FAM20A: variants seen among roughly 807,000 people sequenced by gnomAD.
FAM20A encodes the protein FAM20A golgi associated secretory pathway pseudokinase, also known as pseudokinase FAM20A.
FAM20A carries 42 observed loss-of-function variants against 52.0 expected under a neutral mutation model. The ratio of observed to expected loss-of-function variants is 0.81; its 90% CI spans 0.63 to 1.04. FAM20A has a LOEUF of 1.04. Among genes scored for constraint, FAM20A ranks in the 50% least tolerant of loss-of-function variants. FAM20A has a pLI of 0.00. For synonymous variants in FAM20A, 304 were observed against 298.9 expected (o/e 1.02, Z -0.18); for missense variants, 742 against 712.7 (o/e 1.04, Z -0.47).
chr17:68,573,017 G>A (rs917461147), intron 1 of FAM20A, among the ~76,000 whole-genome samples: 1 of 152,172 alleles, frequency 6.6e-6, no homozygotes, highest in African/African-American at 2.4e-5. Flanking sequence ...CCGCTTTGGA[G>A]GCTGTCCTTC....
chr17:68,574,875 T>G (rs2087682552), intron 1 of FAM20A, among the ~76,000 whole-genome samples: 2 of 151,982 alleles, frequency 1.3e-5, no homozygotes, highest in African/African-American at 4.8e-5. Flanking sequence ...GTAAGAATCT[T>G]GAGATGGAGA....
chr17:68,557,416 G>A (rs1455159452), intron 1 of FAM20A: 2 of 151,968 alleles, frequency 1.3e-5, no homozygotes, highest in East Asian at 1.9e-4. Flanking sequence ...TTATGAGGGG[G>A]TAGCCCTCAT....
At chr17:68,578,175 C>T (rs1159009861) in intron 1 of FAM20A, among the ~76,000 whole-genome samples, 1 of 152,162 alleles carries the variant, frequency 6.6e-6, no homozygotes, top group East Asian at 1.9e-4. Context: ...CCCCTGGGTC[C>T]TCTAATAATC....
In FAM20A at chr17:68,540,434, G is replaced by A. The variant is rs367758094; in HGVS notation, c.1219+415C>T. On this transcript the variant is annotated intron_variant, in intron 8 of 10. Transcript: ENST00000592554. ...TGACGGCCACCTTCATAAGTGTCTC[G>A]TCTCCCTAGAAGTCCCTGTGGGCCT... The A allele has an allele frequency of 2.4e-5, 11 of 464,188 alleles. No individual in the cohort carries two copies. The East Asian group carries it at 3.4e-4, about 14-fold the overall frequency. The allele number at this position is 464,188 out of a possible 1,614,324, so 28.8% of individuals were successfully genotyped here.
intron 4 of FAM20A, among the ~76,000 whole-genome samples, chr17:68,545,115 T>C (rs1290099408): frequency 6.6e-6 from 1 of 152,174 alleles, no homozygotes; most frequent in East Asian, 1.9e-4. Context: ...TACAGAAAAA[T>C]ACAAAGCGCA....
chr17:68,586,935 A>C (rs1195261517), intron 1 of FAM20A, among the ~76,000 whole-genome samples: 1 of 151,802 alleles, frequency 6.6e-6, no homozygotes, highest in African/African-American at 2.4e-5. Context: ...TCTGTCATCC[A>C]GGCTGGAATG....
In FAM20A at chr17:68,536,654, T is replaced by G. The variant is rs543574725; in HGVS notation, c.*823A>C. The G allele has an allele frequency of 1.8e-5, 8 of 452,878 alleles. No homozygotes were observed. The highest frequency in any genetic ancestry group is 3.5e-5 in the Non-Finnish European group (8 of 226,456). 28.1% of individuals were successfully genotyped at this position (452,878 alleles called of 1,614,324 possible). ...TGTGGTTGGTGGGCTGTAGTCAGCC[T>G]TGGCTCTTTTCCTGCCTTACTCCAG... On this transcript the variant is annotated 3_prime_UTR_variant, in exon 11 of 11. Coordinates refer to ENST00000592554, the MANE Select transcript of FAM20A (RefSeq NM_017565.4).
intron 3 of FAM20A, among the ~76,000 whole-genome samples, chr17:68,552,164 T>A (rs954285898): frequency 2.6e-5 from 4 of 152,000 alleles, no homozygotes; most frequent in African/African-American, 9.7e-5. Context: ...CTTTTTACTT[T>A]GGGAGGTGAA....
Position 68,537,390 on chromosome 17 carries a change from A to G in FAM20A, c.*87T>C. ...CTAGCTGACTTGACTCCCAGCAGTAACAGGTGGGAGTGAGGACGCAGGGTC... is the reference window on the plus strand; with the variant it reads ...CTAGCTGACTTGACTCCCAGCAGTAGCAGGTGGGAGTGAGGACGCAGGGTC... On this transcript the variant is annotated 3_prime_UTR_variant, in exon 11 of 11. Coordinates refer to ENST00000592554, the MANE Select transcript of FAM20A (RefSeq NM_017565.4). This position sits in a 1 kb window ranked among gnomAD's most constrained non-coding sequence, Gnocchi z 4.2. 10 of 1,557,674 alleles carry G rather than the reference A, an allele frequency of 6.4e-6. No individual in the cohort carries two copies. The highest frequency in any genetic ancestry group is 1.4e-5 in the African/African-American group (1 of 73,874).
intron 5 of FAM20A, among the ~76,000 whole-genome samples, chr17:68,543,303 T>G (rs2086393237): frequency 6.6e-6 from 1 of 152,076 alleles, no homozygotes; most frequent in Non-Finnish European, 1.5e-5. Flanking sequence ...ATCATAACAG[T>G]GAGACTCCTT....
At chr17:68,594,115 G>A (rs1408548222) in intron 1 of FAM20A, among the ~76,000 whole-genome samples, 2 of 152,174 alleles carry the variant, frequency 1.3e-5, no homozygotes, top group Non-Finnish European at 2.9e-5. Flanking sequence ...ATAAAATGAA[G>A]TAAAGAGCAG....
At chr17:68,590,613 A>G (rs967133493) in intron 1 of FAM20A, among the ~76,000 whole-genome samples, 1 of 152,252 alleles carries the variant, frequency 6.6e-6, no homozygotes, top group Non-Finnish European at 1.5e-5. Context: ...TGGTATAAAA[A>G]GTCTGCACAT....
chr17:68,592,143 C>A (rs954518685), intron 1 of FAM20A, among the ~76,000 whole-genome samples: 1 of 152,054 alleles, frequency 6.6e-6, no homozygotes, highest in Admixed American at 6.5e-5. Context: ...CTCTGGTTAA[C>A]AAGGGGCTGG....
chr17:68,542,412 CTT>C (rs1378837939), intron 6 of FAM20A, among the ~76,000 whole-genome samples: 2 of 152,190 alleles, frequency 1.3e-5, no homozygotes, highest in Non-Finnish European at 2.9e-5. Flanking sequence ...GTAGAACACT[CTT>C]TATTACCCTG....
At chr17:68,561,590 TC>T (rs370855075) in intron 1 of FAM20A, among the ~76,000 whole-genome samples, 2 of 128,904 alleles carry the variant, frequency 1.6e-5, no homozygotes, top group African/African-American at 6.1e-5. Context: ...TTTTGATTGC[TC>T]TTTTTTTTTT....
intron 1 of FAM20A, among the ~76,000 whole-genome samples, chr17:68,563,386 CAAAAA>C (rs3059269): frequency 1.3e-4 from 15 of 117,860 alleles, no homozygotes; most frequent in South Asian, 2.8e-4. Context: ...GACTCCGTCT[CAAAAA>C]AAAAAAAAAA....
intron 1 of FAM20A, among the ~76,000 whole-genome samples, chr17:68,591,351 G>A (rs2088303181): frequency 1.3e-5 from 2 of 152,214 alleles, no homozygotes; most frequent in South Asian, 2.1e-4. Context: ...CGCCCGCCTC[G>A]GCCTCCCAAA....
rs1259527594 is a variant in FAM20A, at chr17:68,536,522, C to T, written c.*955G>A. 2.2e-6 allele frequency: 1 copy of T among 453,924 alleles called. No homozygotes were observed. Among genetic ancestry groups the T allele is most frequent in the Non-Finnish European group, 4.4e-6 (1 of 226,782 alleles). The allele number at this position is 453,924 out of a possible 1,614,324, so 28.1% of individuals were successfully genotyped here. On this transcript the variant is annotated 3_prime_UTR_variant, in exon 11 of 11. Coordinates refer to ENST00000592554, the MANE Select transcript of FAM20A (RefSeq NM_017565.4). ...AAAACCTGACTTAGTCTTTTTTGAG[C>T]CAGCCGTCACAGGGAGGGGCATCTA...
rs11301516 is a variant in FAM20A at position 68,585,451 on chromosome 17, A to AT, written c.404+14811dup. On this transcript the variant is annotated intron_variant, in intron 1 of 10. Coordinates refer to ENST00000592554, the MANE Select transcript of FAM20A (RefSeq NM_017565.4). ...TTCCACCAATACCATGGCTTTATTT[A>AT]TTTTTTTTTTAGGTTTTATGTAAAT... Among the ~76,000 whole-genome samples, 8 of 150,556 alleles carry AT rather than the reference A, an allele frequency of 5.3e-5. No individual in the cohort carries two copies. In the East Asian group the frequency reaches 5.9e-4, roughly 11 times the overall value.
Sources: gnomAD v4.1 joint callset for allele counts (sites outside exome capture counted in the v4.1 genomes callset) on GRCh38, gnomAD v4.1.1 for gene constraint, Gnocchi (gnomAD v3.1) non-coding constraint, MANE v1.5 for transcripts, NCBI Gene and HGNC (gene_info 2026-07-23, HGNC 2026-07-21) for gene names.